Variants in SSU72 observed in about 807,000 individuals in gnomAD.
The protein encoded by SSU72 is SSU72 homolog, RNA polymerase II CTD phosphatase.
In SSU72, 12 loss-of-function variants were observed where a neutral mutation model predicts 22.7. The ratio of observed to expected loss-of-function variants is 0.53; its 90% CI spans 0.34 to 0.86. The LOEUF (loss-of-function observed/expected upper bound fraction) is 0.86, where lower values mean the gene tolerates loss of function less well. SSU72 is among the 40% of genes least tolerant of loss of function. SSU72 has a pLI of 0.02. For synonymous variants in SSU72, 116 were observed against 98.3 expected (o/e 1.18, Z -1.06); for missense variants, 151 against 249.8 (o/e 0.60, Z 2.67).
In SSU72 at chr1:1,542,773, T is replaced by C. The variant is rs3766180; in HGVS notation, c.484-606A>G. Among the ~76,000 whole-genome samples the C allele has an allele frequency of 0.49, 74,875 of 151,786 alleles. 23,120 individuals carry two copies. The highest frequency in any genetic ancestry group is 0.86 in the East Asian group (4,414 of 5,116). ...GCCAACGTGACCCAAGCAGAAATCG[T>C]GCAATAACTTCTGGGACGACATTTT... On this transcript the variant is annotated intron_variant, in intron 4 of 4. Coordinates refer to ENST00000291386, the MANE Select transcript of SSU72 (RefSeq NM_014188.3). The surrounding 1 kb of genome is among the most constrained non-coding windows in gnomAD (Gnocchi z 4.4).
chr1:1,552,379 T>C (rs1313191454), intron 2 of SSU72, among the ~76,000 whole-genome samples: 2 of 152,230 alleles, frequency 1.3e-5, no homozygotes, highest in Admixed American at 6.5e-5. Flanking sequence ...CGGGAGGTGC[T>C]GGCAGTGAGG....
chr1:1,571,410 G>A (rs1344565010), intron 1 of SSU72, among the ~76,000 whole-genome samples: 6 of 144,498 alleles, frequency 4.2e-5, no homozygotes, highest in Non-Finnish European at 5.9e-5. Context: ...CAGCCTGGGC[G>A]ACAGAGGGAG....
intron 2 of SSU72, chr1:1,563,276 G>A (rs1474938762): frequency 6.6e-6 from 1 of 152,242 alleles, no homozygotes; most frequent in East Asian, 1.9e-4. Flanking sequence ...GCTCACGCCT[G>A]TAATCCCAAC....
rs759604476 is a variant in SSU72, at chr1:1,542,237, G to C, written c.484-70C>G. ...GTCTGCTCCCCCTAACACCTGGATC[G>C]CCAGGGAAACGCCAGGCCTGAGCCA... On this transcript the variant is annotated intron_variant, in intron 4 of 4. Coordinates refer to ENST00000291386, the MANE Select transcript of SSU72 (RefSeq NM_014188.3). The surrounding 1 kb of genome is among the most constrained non-coding windows in gnomAD (Gnocchi z 4.4). 2.1e-6 allele frequency: 3 copies of C among 1,451,844 alleles called. No homozygotes were observed. Among genetic ancestry groups the C allele is most frequent in the Admixed American group, 2.0e-5 (1 of 50,632 alleles). 89.9% of individuals were successfully genotyped at this position (1,451,844 alleles called of 1,614,324 possible). A position where few individuals can be genotyped will look rare whatever the true frequency, so the allele number is the denominator to read the frequency against.
At chr1:1,559,575 A>G (rs1377049046) in intron 2 of SSU72, among the ~76,000 whole-genome samples, 1 of 152,156 alleles carries the variant, frequency 6.6e-6, no homozygotes, top group African/African-American at 2.4e-5. Flanking sequence ...TGGTCCAGGT[A>G]TATACACTAC....
chr1:1,549,048 G>A (rs1383500939), intron 2 of SSU72, among the ~76,000 whole-genome samples: 2 of 152,222 alleles, frequency 1.3e-5, no homozygotes, highest in African/African-American at 2.4e-5. Context: ...CGAGGCAGGA[G>A]GATGCCTTGA....
Position 1,542,379 on chromosome 1 carries a change from AG to A in SSU72, c.484-213del, listed in dbSNP as rs1553129989. 6.6e-6 allele frequency among the ~76,000 whole-genome samples: 1 copy of A among 152,108 alleles called. No homozygotes were observed. The highest frequency in any genetic ancestry group is 1.5e-5 in the Non-Finnish European group (1 of 68,008). ...CCCCCACCTCCCCACCGACCCTCAC[AG>A]GACCTGAAGCTGGGAGGAGCTGGGA... On this transcript the variant is annotated intron_variant, in intron 4 of 4. Coordinates refer to ENST00000291386, the MANE Select transcript of SSU72 (RefSeq NM_014188.3). The surrounding 1 kb of genome is among the most constrained non-coding windows in gnomAD (Gnocchi z 4.4).
At chr1:1,558,646 T>C (rs1383059038) in intron 2 of SSU72, among the ~76,000 whole-genome samples, 1 of 152,256 alleles carries the variant, frequency 6.6e-6, no homozygotes, top group Non-Finnish European at 1.5e-5. Context: ...CTAACTTACA[T>C]GTACACAGGA....
chr1:1,574,575 C>G lies in SSU72; in HGVS notation c.-18G>C. The G allele has an allele frequency of 6.3e-7, 1 of 1,579,722 alleles. No individual in the cohort carries two copies. The highest frequency in any genetic ancestry group is 8.6e-7 in the Non-Finnish European group (1 of 1,166,282). ...GACGGCATGGCGGCGGCCGCAAATC[C>G]CGCGGCTCTCCCGCTTGGGTTCCCA... is the stretch of plus-strand genomic sequence containing the variant. On this transcript the variant is annotated 5_prime_UTR_variant, in exon 1 of 5. Coordinates refer to ENST00000291386, the MANE Select transcript of SSU72 (RefSeq NM_014188.3).
chr1:1,558,916 C>T (rs1235649380), intron 2 of SSU72, among the ~76,000 whole-genome samples: 1 of 152,240 alleles, frequency 6.6e-6, no homozygotes, highest in Non-Finnish European at 1.5e-5. Context: ...CCCAAAGGCA[C>T]TCCAAGCAAG....
At chr1:1,545,042 T>C (rs1432361963) in intron 2 of SSU72, 40 bp from the exon 3 acceptor site, 1 of 1,601,754 alleles carries the variant, frequency 6.2e-7, no homozygotes, top group East Asian at 2.2e-5. Flanking sequence ...AAAAGGCATC[T>C]GTGTATGAAG....
At chr1:1,546,884 AG>A (rs1642396665) in intron 2 of SSU72, among the ~76,000 whole-genome samples, 1 of 119,446 alleles carries the variant, frequency 8.4e-6, no homozygotes. Flanking sequence ...AAAAAAAAAA[AG>A]GCCGGGCGCG....
chr1:1,558,204 T>TAA (rs3073299), intron 2 of SSU72, among the ~76,000 whole-genome samples: 3 of 126,220 alleles, frequency 2.4e-5, no homozygotes, highest in South Asian at 2.6e-4. Context: ...CTGTCTCAAT[T>TAA]AAAAAAAAAA....
intron 2 of SSU72, among the ~76,000 whole-genome samples, chr1:1,548,360 C>T (rs2100706984): frequency 6.6e-6 from 1 of 152,268 alleles, no homozygotes; most frequent in Admixed American, 6.5e-5. Flanking sequence ...AGTTTGAGAC[C>T]AGCCTGGCCA....
At chr1:1,553,732 G>A (rs548668428) in intron 2 of SSU72, among the ~76,000 whole-genome samples, 117 of 151,614 alleles carry the variant, frequency 7.7e-4, no homozygotes, top group Non-Finnish European at 1.4e-3. Flanking sequence ...CAGAGCTTGC[G>A]GTGAGCCGAG....
rs1642718023 is a variant in SSU72 at position 1,570,714 on chromosome 1, CA to C, written c.80+3763del. ...TGAATACTAACTATGGAGCAGACAA[CA>C]GAACAAGAGCTTATCCCCGATGCAT... is the stretch of plus-strand genomic sequence containing the variant. On this transcript the variant is annotated intron_variant, in intron 1 of 4. Transcript: ENST00000291386. Among the ~76,000 whole-genome samples, 4 of 152,346 alleles carry C rather than the reference CA, an allele frequency of 2.6e-5. No individual in the cohort carries two copies. The South Asian group carries it at 8.3e-4, about 32-fold the overall frequency.
chr1:1,550,981 C>A (rs186228893), intron 2 of SSU72, among the ~76,000 whole-genome samples: 8 of 152,254 alleles, frequency 5.3e-5, no homozygotes, highest in East Asian at 1.9e-4. Flanking sequence ...ATCCACCCCC[C>A]AGAAAGCTCC....
intron 2 of SSU72, among the ~76,000 whole-genome samples, chr1:1,555,265 A>C (rs1256804691): frequency 1.3e-5 from 2 of 152,180 alleles, no homozygotes; most frequent in Middle Eastern, 3.2e-3. Flanking sequence ...CCGACACAGG[A>C]GGCTCCGGTA....
chr1:1,542,222 C>G lies in SSU72; in HGVS notation c.484-55G>C. The G allele has an allele frequency of 1.3e-6, 2 of 1,512,382 alleles. No homozygotes were observed. The highest frequency in any genetic ancestry group is 2.0e-5 in the Admixed American group (1 of 50,940). 93.7% of individuals were successfully genotyped at this position (1,512,382 alleles called of 1,614,324 possible). On this transcript the variant is annotated intron_variant, in intron 4 of 4. Transcript: ENST00000291386. This position sits in a 1 kb window ranked among gnomAD's most constrained non-coding sequence, Gnocchi z 4.4. The stretch of plus-strand genomic sequence containing the variant: ...TGCCCACTCCTGCCTGTCTGCTCCC[C>G]CTAACACCTGGATCGCCAGGGAAAC...
Sources: gnomAD v4.1 joint callset for allele counts (sites outside exome capture counted in the v4.1 genomes callset) on GRCh38, gnomAD v4.1.1 for gene constraint, Gnocchi (gnomAD v3.1) non-coding constraint, MANE v1.5 for transcripts, NCBI Gene and HGNC (gene_info 2026-07-23, HGNC 2026-07-21) for gene names.